The following ROBO2 variants were observed in gnomAD, a reference collection of about 807,000 sequenced individuals.
ROBO2 encodes roundabout guidance receptor 2.
ROBO2 carries 53 observed loss-of-function variants against 160.8 expected under a neutral mutation model. That is an observed-to-expected ratio of 0.33 (90% CI 0.26 to 0.41). The LOEUF (loss-of-function observed/expected upper bound fraction) is 0.41. Among genes scored for constraint, ROBO2 ranks in the 10% least tolerant of loss-of-function variants. The probability of loss-of-function intolerance (pLI) is 1.00; values close to 1 mark genes in which losing one functional copy is unlikely to be tolerated. For missense variants in ROBO2, 1,577 were observed against 1,722.4 expected (o/e 0.92, Z 1.49); for synonymous variants, 664 against 611.7 (o/e 1.09, Z -1.26).
intron 2 of ROBO2, among the ~76,000 whole-genome samples, chr3:76,993,845 C>A (rs1188073600): frequency 6.6e-6 from 1 of 151,600 alleles, no homozygotes; most frequent in Admixed American, 6.6e-5. Flanking sequence ...CTATCTATAC[C>A]CATGTAGTAC....
chr3:76,149,423 C>T (rs1046855697), intron 2 of ROBO2, among the ~76,000 whole-genome samples: 1 of 152,120 alleles, frequency 6.6e-6, no homozygotes, highest in African/African-American at 2.4e-5. Flanking sequence ...CAGCTCTGGG[C>T]CTTTGCGCTT....
chr3:76,804,023 A>G (rs922465651), intron 2 of ROBO2, among the ~76,000 whole-genome samples: 1 of 152,214 alleles, frequency 6.6e-6, no homozygotes, highest in African/African-American at 2.4e-5. Flanking sequence ...GCTGCATTCG[A>G]GGCTTACGGA....
At chr3:76,333,559 G>C (rs533818535) in intron 2 of ROBO2, among the ~76,000 whole-genome samples, 1 of 152,126 alleles carries the variant, frequency 6.6e-6, no homozygotes, top group Non-Finnish European at 1.5e-5. Context: ...ATCTTAAGGA[G>C]CCTCAATGAT....
intron 2 of ROBO2, among the ~76,000 whole-genome samples, chr3:77,461,190 T>C (rs1039754052): frequency 6.6e-6 from 1 of 152,152 alleles, no homozygotes; most frequent in African/African-American, 2.4e-5. Context: ...ATTGAAAATA[T>C]AGAGTGAACT....
At chr3:77,520,595 C>T (rs1052344085) in intron 5 of ROBO2, among the ~76,000 whole-genome samples, 1 of 151,112 alleles carries the variant, frequency 6.6e-6, no homozygotes, top group Non-Finnish European at 1.5e-5. Context: ...TTAACTTTAT[C>T]TCCCCTCTTG....
chr3:76,394,314 C>A (rs1370567418), intron 2 of ROBO2, among the ~76,000 whole-genome samples: 1 of 152,086 alleles, frequency 6.6e-6, no homozygotes, highest in South Asian at 2.1e-4. Flanking sequence ...TCTTTTAGGG[C>A]AGGCCTGGTG....
chr3:77,502,813 A>G (rs2087814205), intron 5 of ROBO2, among the ~76,000 whole-genome samples: 1 of 152,210 alleles, frequency 6.6e-6, no homozygotes, highest in African/African-American at 2.4e-5. Context: ...ATTATTTTAT[A>G]TAAAGGATTT....
intron 2 of ROBO2, among the ~76,000 whole-genome samples, chr3:76,705,343 G>C (rs1271885348): frequency 6.6e-6 from 1 of 152,054 alleles, no homozygotes; most frequent in Non-Finnish European, 1.5e-5. Context: ...ATAAACCCTA[G>C]TAGTCTATCA....
chr3:77,335,827 C>T (rs1284523788), intron 2 of ROBO2, among the ~76,000 whole-genome samples: 1 of 152,146 alleles, frequency 6.6e-6, no homozygotes, highest in African/African-American at 2.4e-5. Flanking sequence ...AGAGCTGACA[C>T]TACGATAGAA....
At chr3:75,937,074 C>G (rs893833810) in intron 1 of ROBO2, among the ~76,000 whole-genome samples, 3 of 151,950 alleles carry the variant, frequency 2.0e-5, no homozygotes, top group Middle Eastern at 3.5e-3. Flanking sequence ...TTGAAAAGTC[C>G]TTTTGTATAT....
intron 2 of ROBO2, among the ~76,000 whole-genome samples, chr3:76,983,259 G>T (rs1438577491): frequency 6.6e-6 from 1 of 152,028 alleles, no homozygotes; most frequent in Admixed American, 6.6e-5. Flanking sequence ...TGCACTCCAG[G>T]CTGGGTGACA....
chr3:76,796,951 A>T (rs1383595685), intron 2 of ROBO2, among the ~76,000 whole-genome samples: 2 of 152,160 alleles, frequency 1.3e-5, no homozygotes, highest in Non-Finnish European at 2.9e-5. Context: ...ATATAAAGCA[A>T]ATATCTTCAG....
In ROBO2 at chr3:77,145,304, A is replaced by G. The variant is rs192646242; in HGVS notation, c.388+46964A>G. 1.5e-3 allele frequency among the ~76,000 whole-genome samples: 227 copies of G among 152,282 alleles called. 1 individual carries two copies. The highest frequency in any genetic ancestry group is 5.1e-3 in the African/African-American group (214 of 41,578). On this transcript the variant is annotated intron_variant, in intron 2 of 25. Coordinates refer to ENST00000461745, the Ensembl canonical transcript of ROBO2. ...TAAAATGAATATTGATTCCTGAGAAACATGTTTGAAGTTTGAACCTTCTGG... is the reference window on the plus strand; with the variant it reads ...TAAAATGAATATTGATTCCTGAGAAGCATGTTTGAAGTTTGAACCTTCTGG...
intron 2 of ROBO2, among the ~76,000 whole-genome samples, chr3:76,688,459 G>A (rs1375992715): frequency 6.6e-6 from 1 of 151,806 alleles, no homozygotes; most frequent in Non-Finnish European, 1.5e-5. Flanking sequence ...GTTTCAGAAA[G>A]TTCTGGATTA....
chr3:76,791,803 A>G (rs2063370476), intron 2 of ROBO2, among the ~76,000 whole-genome samples: 2 of 151,646 alleles, frequency 1.3e-5, no homozygotes, highest in Admixed American at 6.6e-5. Flanking sequence ...CCAACCATGG[A>G]TTGGTTGAAT....
chr3:76,836,476 G>T (rs532649772), intron 2 of ROBO2, among the ~76,000 whole-genome samples: 1 of 149,916 alleles, frequency 6.7e-6, no homozygotes, highest in African/African-American at 2.4e-5. Context: ...AAAGACTTTG[G>T]GGGGGCAGGA....
chr3:76,828,510 T>C (rs1328250530), intron 2 of ROBO2, among the ~76,000 whole-genome samples: 4 of 152,108 alleles, frequency 2.6e-5, no homozygotes, highest in Non-Finnish European at 5.9e-5. Context: ...TCTGTAAAAT[T>C]TGTCAGAGCA....
intron 6 of ROBO2, among the ~76,000 whole-genome samples, chr3:77,531,766 T>C (rs913778244): frequency 2.6e-5 from 4 of 152,094 alleles, no homozygotes; most frequent in Non-Finnish European, 4.4e-5. Context: ...TTGGATGCAC[T>C]TTTTGCAAAA....
At chr3:77,402,612 T>A (rs1176183587) in intron 2 of ROBO2, among the ~76,000 whole-genome samples, 1 of 151,936 alleles carries the variant, frequency 6.6e-6, no homozygotes, top group Non-Finnish European at 1.5e-5. Flanking sequence ...GTTTAACTGG[T>A]ATATGACCTT....
Sources: allele counts gnomAD v4.1 joint callset (sites outside exome capture counted in the v4.1 genomes callset), GRCh38; gene constraint gnomAD v4.1.1; transcripts MANE v1.5; gene names NCBI Gene and HGNC (gene_info 2026-07-23, HGNC 2026-07-21).